Variants in AMBRA1 observed in about 807,000 individuals in gnomAD.
AMBRA1 encodes activating molecule in BECN1-regulated autophagy protein 1.
AMBRA1 carries 47 observed loss-of-function variants against 125.4 expected under a neutral mutation model. That is an observed-to-expected ratio of 0.37 (90% confidence interval 0.30 to 0.48). AMBRA1 has a LOEUF of 0.48. Among genes scored for constraint, AMBRA1 ranks in the 20% least tolerant of loss-of-function variants. The probability of loss-of-function intolerance (pLI) is 0.99; values close to 1 mark genes in which losing one functional copy is unlikely to be tolerated. For synonymous variants in AMBRA1, 626 were observed against 655.5 expected (o/e 0.95, Z 0.69); for missense variants, 1,331 against 1,693.4 (o/e 0.79, Z 3.76).
intron 17 of AMBRA1, among the ~76,000 whole-genome samples, chr11:46,398,489 TATTG>T (rs1004538404): frequency 6.6e-6 from 1 of 152,198 alleles, no homozygotes; most frequent in East Asian, 1.9e-4. Flanking sequence ...GTTATTTTTA[TATTG>T]ATTGATTGAT....
At chr11:46,563,454 G>A (rs936507362) in intron 1 of AMBRA1, among the ~76,000 whole-genome samples, 1 of 152,036 alleles carries the variant, frequency 6.6e-6, no homozygotes, top group Non-Finnish European at 1.5e-5. Context: ...CAAACTCCTG[G>A]GCTCAAGGAA....
chr11:46,539,402 A>G (rs1379105463), intron 7 of AMBRA1, among the ~76,000 whole-genome samples: 2 of 152,098 alleles, frequency 1.3e-5, no homozygotes, highest in African/African-American at 4.8e-5. Flanking sequence ...TACTAAAAAT[A>G]CAAAATTAGC....
chr11:46,460,477 A>G (rs1043528963), intron 11 of AMBRA1, among the ~76,000 whole-genome samples: 12 of 152,228 alleles, frequency 7.9e-5, no homozygotes, highest in Non-Finnish European at 1.6e-4. Flanking sequence ...GCCCGCCACC[A>G]TGCCCGGCTA....
intron 11 of AMBRA1, among the ~76,000 whole-genome samples, chr11:46,444,532 A>G (rs993358741): frequency 2.0e-5 from 3 of 152,208 alleles, no homozygotes; most frequent in African/African-American, 7.2e-5. Flanking sequence ...TGTTGGAAGA[A>G]TAGAACATTC....
intron 8 of AMBRA1, among the ~76,000 whole-genome samples, chr11:46,510,729 C>T (rs1002234123): frequency 6.6e-6 from 1 of 152,106 alleles, no homozygotes; most frequent in Non-Finnish European, 1.5e-5. Flanking sequence ...TATATCCTAG[C>T]CTTGTCCTTT....
Position 46,589,590 on chromosome 11 carries a change from AGT to A in AMBRA1, c.-121+4236_-121+4237del, listed in dbSNP as rs2044518844. Among the ~76,000 whole-genome samples the A allele has an allele frequency of 2.6e-5, 4 of 152,254 alleles. No homozygotes were observed. The South Asian group carries it at 8.3e-4, about 32-fold the overall frequency. On this transcript the variant is annotated intron_variant, in intron 1 of 17. Transcript: ENST00000683756. Reference sequence around the variant, plus strand: ...AAACATTTTCTCTTATTCCTTTAAGAGTGAGATAAATTGGAAGTGTGAGAGAA... The same window carrying A: ...AAACATTTTCTCTTATTCCTTTAAGAGAGATAAATTGGAAGTGTGAGAGAA...
intron 11 of AMBRA1, among the ~76,000 whole-genome samples, chr11:46,470,137 A>G (rs1949519048): frequency 6.6e-6 from 1 of 152,182 alleles, no homozygotes; most frequent in Admixed American, 6.5e-5. Context: ...TGCCAAAATA[A>G]GTGCTCTAAA....
At chr11:46,475,115 G>A (rs1156854355) in intron 11 of AMBRA1, among the ~76,000 whole-genome samples, 1 of 152,168 alleles carries the variant, frequency 6.6e-6, no homozygotes, top group East Asian at 1.9e-4. Context: ...AGTATTTTAG[G>A]TTCTTCTGCA....
chr11:46,486,508 A>G (rs1382473492), intron 11 of AMBRA1, among the ~76,000 whole-genome samples: 2 of 152,168 alleles, frequency 1.3e-5, no homozygotes, highest in African/African-American at 4.8e-5. Flanking sequence ...CTAGATGCCC[A>G]CCCCAGTTGA....
At chr11:46,515,398 G>T (rs1338555323) in intron 7 of AMBRA1, among the ~76,000 whole-genome samples, 3 of 152,114 alleles carry the variant, frequency 2.0e-5, no homozygotes, top group Non-Finnish European at 4.4e-5. Context: ...ACTTGAACCT[G>T]GGAGGCAGAG....
At chr11:46,471,225 T>C (rs1949573548) in intron 11 of AMBRA1, among the ~76,000 whole-genome samples, 1 of 151,774 alleles carries the variant, frequency 6.6e-6, no homozygotes, top group African/African-American at 2.4e-5. Context: ...GCGGATCACT[T>C]GAAATCAGGA....
At chr11:46,541,798 G>A in intron 7 of AMBRA1, 147 bp downstream of exon 7, 1 of 1,111,930 alleles carries the variant, frequency 9.0e-7, no homozygotes, top group East Asian at 2.4e-5. Context: ...ACCAGAGCAA[G>A]ATTTTCCAAG....
chr11:46,531,761 CA>C (rs767279865), intron 7 of AMBRA1, among the ~76,000 whole-genome samples: 84 of 151,468 alleles, frequency 5.5e-4, no homozygotes, highest in Non-Finnish European at 9.3e-4. Flanking sequence ...TCCTCATTCC[CA>C]TATTGCCAAA....
intron 9 of AMBRA1, among the ~76,000 whole-genome samples, chr11:46,502,205 G>C (rs865912500): frequency 2.0e-5 from 3 of 152,094 alleles, no homozygotes; most frequent in Admixed American, 6.5e-5. Flanking sequence ...TCAGCCTCTT[G>C]AGTAGCTGGG....
At chr11:46,579,475 A>C (rs1406374258) in intron 1 of AMBRA1, among the ~76,000 whole-genome samples, 1 of 152,188 alleles carries the variant, frequency 6.6e-6, no homozygotes, top group Non-Finnish European at 1.5e-5. Context: ...AAATAAATTA[A>C]GTAAGTAAGT....
At chr11:46,585,494 C>T (rs1213493605) in intron 1 of AMBRA1, among the ~76,000 whole-genome samples, 1 of 147,190 alleles carries the variant, frequency 6.8e-6, no homozygotes, top group Non-Finnish European at 1.5e-5. Flanking sequence ...GGTGAAAGCC[C>T]GACTCTACTA....
intron 1 of AMBRA1, among the ~76,000 whole-genome samples, chr11:46,576,722 C>A (rs79669516): frequency 6.6e-6 from 1 of 152,144 alleles, no homozygotes; most frequent in Non-Finnish European, 1.5e-5. Context: ...ACCACCTGAA[C>A]AATATCCCTC....
At chr11:46,471,220 T>C (rs1313378544) in intron 11 of AMBRA1, among the ~76,000 whole-genome samples, 1 of 152,042 alleles carries the variant, frequency 6.6e-6, no homozygotes, top group Admixed American at 6.6e-5. Context: ...GGCGGGCGGA[T>C]CACTTGAAAT....
chr11:46,516,649 G>T (rs1418272559), intron 7 of AMBRA1, among the ~76,000 whole-genome samples: 1 of 151,940 alleles, frequency 6.6e-6, no homozygotes, highest in Non-Finnish European at 1.5e-5. Flanking sequence ...TAGCCAGGAT[G>T]GTCTTGATCT....
Sources: allele counts gnomAD v4.1 joint callset (sites outside exome capture counted in the v4.1 genomes callset), GRCh38; gene constraint gnomAD v4.1.1; transcripts MANE v1.5; gene names NCBI Gene and HGNC (gene_info 2026-07-23, HGNC 2026-07-21).